COA3: variants seen among roughly 807,000 people sequenced by gnomAD.
COA3 encodes cytochrome c oxidase assembly factor 3 homolog, mitochondrial.
Under a neutral mutation model 10.1 loss-of-function variants are expected in COA3, and 10 were observed. That is an observed-to-expected ratio of 0.99 (90% CI 0.61 to 1.67). COA3 has a LOEUF of 1.67. Among genes scored for constraint, COA3 ranks in the 40% most tolerant of loss-of-function variants. COA3 has a pLI of 0.00. For missense variants in COA3, 142 were observed against 140.7 expected (o/e 1.01, Z -0.05); for synonymous variants, 57 against 63.1 (o/e 0.90, Z 0.46).
In COA3 at chr17:42,798,564, G is replaced by A; in HGVS notation, c.118C>T (p.Gln40Ter). 1 of 1,614,138 alleles carries A rather than the reference G, an allele frequency of 6.2e-7. No individual in the cohort carries two copies. Among genetic ancestry groups the A allele is most frequent in the Non-Finnish European group, 8.5e-7 (1 of 1,180,050 alleles). The change falls in exon 1 of 2, where the codon CAG (glutamine) becomes TAG (stop). Residue 40 changes from glutamine (Q) to a stop codon, truncating the protein, a stop_gained. Coordinates refer to ENST00000328434, the MANE Select transcript of COA3 (RefSeq NM_001040431.3). LOFTEE classifies it high-confidence loss of function. The part of the protein sequence containing the change: ...LTPEQLHSMR[Q>*]AELAQWQKVL... Reference sequence around the variant, plus strand: ...TTCTGCCACTGGGCAAGCTCCGCCTGCCGCATGGAATGCAGTTGCTCGGGT... The same window carrying A: ...TTCTGCCACTGGGCAAGCTCCGCCTACCGCATGGAATGCAGTTGCTCGGGT...
rs767908873 is a variant in COA3, at chr17:42,798,535, G to T, written c.147C>A (p.Val49=). ...RQAELAQWQK[V]LPRRRTRNIV... ...TGTTCCGGGTTCGCCGCCGTGGTAG[G>T]ACCTTCTGCCACTGGGCAAGCTCCG... is the stretch of plus-strand genomic sequence containing the variant. Residue 49 remains valine, a synonymous_variant, in exon 1 of 2, where the codon GTC becomes GTA. Transcript: ENST00000328434. 5.6e-6 allele frequency: 9 copies of T among 1,613,872 alleles called. No individual in the cohort carries two copies. The highest frequency in any genetic ancestry group is 7.6e-6 in the Non-Finnish European group (9 of 1,180,044).
rs527838022 is a variant in COA3, at chr17:42,798,511, G to A, written c.171C>T (p.Asn57=). ...CCCCGATGCCTAGGCCGGTCACGAT[G>A]TTCCGGGTTCGCCGCCGTGGTAGGA... ...QKVLPRRRTR[N]IVTGLGIGAL... Residue 57 remains asparagine (N), a synonymous_variant, in exon 1 of 2, where the codon AAC becomes AAT. Transcript: ENST00000328434. 3.7e-6 allele frequency: 6 copies of A among 1,613,956 alleles called. No homozygotes were observed. The African/African-American group carries it at 6.7e-5, about 18-fold the overall frequency.
chr17:42,798,252 A>C (rs2054708570), intron 1 of COA3, 85 bp from the exon 2 acceptor site: 5 of 1,078,700 alleles, frequency 4.6e-6, no homozygotes, highest in East Asian at 2.4e-5. Context: ...TACTCTCCCA[A>C]ATCAGTGATT....
chr17:42,798,100 A>G lies in COA3; in HGVS notation c.282T>C (p.Ala94=). Residue 94 remains alanine, a synonymous_variant, in exon 2 of 2, where the codon GCT becomes GCC. Transcript: ENST00000328434. ...CCCTTGCCAGAGCTCGGGCTCGGGC[A>G]GCTTTGGCCTCGTCTTCTAGCTCAT... ...FLDELEDEAK[A]ARARALARAS... The G allele has an allele frequency of 1.2e-6, 2 of 1,614,158 alleles. No individual in the cohort carries two copies. Among genetic ancestry groups the G allele is most frequent in the East Asian group, 2.2e-5 (1 of 44,882 alleles).
intron 1 of COA3, 106 bp from the exon 2 acceptor site, chr17:42,798,273 G>A (rs2054708859): frequency 5.1e-6 from 5 of 983,912 alleles, no homozygotes; most frequent in African/African-American, 1.6e-5. Flanking sequence ...CCGGCTTCCC[G>A]CCGCTGCTGT....
At position 42,798,081 on chromosome 17, in the gene COA3, C is replaced by G. The variant is rs367768181; in HGVS notation, c.301G>C (p.Ala101Pro). The G allele has an allele frequency of 7.1e-5, 114 of 1,613,964 alleles. No homozygotes were observed. The Middle Eastern group carries it at 8.2e-4, about 12-fold the overall frequency. The change falls in exon 2 of 2, where the codon GCA (alanine) becomes CCA (proline). Residue 101 changes from alanine to proline, a missense_variant. Ala to Pro is a conservative substitution (Grantham distance 27). Transcript: ENST00000328434. The stretch of plus-strand genomic sequence containing the variant: ...CCAGATTAGGACCCTGACGCCCTTG[C>G]CAGAGCTCGGGCTCGGGCAGCTTTG... Reference protein sequence around the residue: ...EAKAARARALARASGS With the variant: ...EAKAARARALPRASGS
At chr17:42,798,252 A>T in intron 1 of COA3, 85 bp from the exon 2 acceptor site, 2 of 1,078,818 alleles carry the variant, frequency 1.9e-6, no homozygotes. Flanking sequence ...TACTCTCCCA[A>T]ATCAGTGATT....
chr17:42,798,117 C>T lies in COA3; in HGVS notation c.265G>A (p.Glu89Lys), dbSNP rs61757405. ...GCTCGGGCAGCTTTGGCCTCGTCTT[C>T]TAGCTCATCTAGGAAACGCTCCTGG... ...ISQERFLDELEDEAKAARARA... is the reference protein window; with the variant it reads ...ISQERFLDELKDEAKAARARA... Residue 89 changes from glutamate (E) to lysine (K), a missense_variant, in exon 2 of 2, where the codon GAA (glutamate) becomes AAA (lysine). Physicochemically the swap from Glu to Lys is moderately conservative, Grantham distance 56. Coordinates refer to ENST00000328434, the MANE Select transcript of COA3 (RefSeq NM_001040431.3). The T allele has an allele frequency of 7.0e-4, 1,129 of 1,614,032 alleles. 1 individual carries two copies. Among genetic ancestry groups the T allele is most frequent in the Non-Finnish European group, 6.5e-4 (766 of 1,180,038 alleles).
rs1337268266 is a variant in COA3, at chr17:42,798,076, C to T, written c.306G>A (p.Arg102=). The change falls in exon 2 of 2, where the codon AGG becomes AGA. Residue 102 remains arginine, a synonymous_variant. Coordinates refer to ENST00000328434, the MANE Select transcript of COA3 (RefSeq NM_001040431.3). The stretch of plus-strand genomic sequence containing the variant: ...CCCATCCAGATTAGGACCCTGACGC[C>T]CTTGCCAGAGCTCGGGCTCGGGCAG... ...AKAARARALA[R]ASGS 1.2e-6 allele frequency: 2 copies of T among 1,613,918 alleles called. No individual in the cohort carries two copies. Among genetic ancestry groups the T allele is most frequent in the African/African-American group, 2.7e-5 (2 of 74,914 alleles).
chr17:42,797,967 T>C lies in COA3; in HGVS notation c.*94A>G. On this transcript the variant is annotated 3_prime_UTR_variant, in exon 2 of 2. Coordinates refer to ENST00000328434, the MANE Select transcript of COA3 (RefSeq NM_001040431.3). Reference sequence around the variant, plus strand: ...AAGGTTAGTAAGAAGGCCAACAATGTTGTGAGCAGGATTCAATTTCTACAG... The same window carrying C: ...AAGGTTAGTAAGAAGGCCAACAATGCTGTGAGCAGGATTCAATTTCTACAG... The C allele has an allele frequency of 2.4e-6, 2 of 829,382 alleles. No homozygotes were observed. Among genetic ancestry groups the C allele is most frequent in the Non-Finnish European group, 2.0e-6 (1 of 506,218 alleles). The allele number at this position is 829,382 out of a possible 1,614,324, so 51.4% of individuals were successfully genotyped here. A position where few individuals can be genotyped will look rare whatever the true frequency, so the allele number is the denominator to read the frequency against.
At chr17:42,798,282 G>T in intron 1 of COA3, 115 bp from the exon 2 acceptor site, 1 of 974,270 alleles carries the variant, frequency 1.0e-6, no homozygotes, top group Non-Finnish European at 1.6e-6. Context: ...CGCCGCTGCT[G>T]TTTCTAAACC....
Position 42,798,157 on chromosome 17 carries a change from G to A in COA3, c.225C>T (p.Thr75=), listed in dbSNP as rs755065692. The change falls in exon 2 of 2, where the codon ACC becomes ACT. Residue 75 remains threonine, a synonymous_variant. Coordinates refer to ENST00000328434, the MANE Select transcript of COA3 (RefSeq NM_001040431.3). Reference sequence around the variant, plus strand: ...AACGCTCCTGGGAAATCGAGTAGAAGGTGTAACCATCTGGGGAGGTAGGTT... The same window carrying A: ...AACGCTCCTGGGAAATCGAGTAGAAAGTGTAACCATCTGGGGAGGTAGGTT... ...GALVLAIYGY[T]FYSISQERFL... is the part of the protein sequence containing the mutation. 5 of 1,613,236 alleles carry A rather than the reference G, an allele frequency of 3.1e-6. No homozygotes were observed. The highest frequency in any genetic ancestry group is 2.2e-5 in the East Asian group (1 of 44,880).
Position 42,798,053 on chromosome 17 carries a change from C to T in COA3, c.*8G>A, listed in dbSNP as rs768080955. On this transcript the variant is annotated 3_prime_UTR_variant, in exon 2 of 2. Coordinates refer to ENST00000328434, the MANE Select transcript of COA3 (RefSeq NM_001040431.3). ...CAGCAGGTTGGACATGATCAATACC[C>T]ATCCAGATTAGGACCCTGACGCCCT... The T allele has an allele frequency of 1.7e-5, 28 of 1,606,506 alleles. No homozygotes were observed. Among genetic ancestry groups the T allele is most frequent in the Non-Finnish European group, 2.4e-5 (28 of 1,173,346 alleles).
chr17:42,798,463 G>A lies in COA3; in HGVS notation c.214+5C>T, dbSNP rs779628663. ...TCCCCTTGAGTCTACAACACGGACG[G>A]ATACAAATAGCCAACACCAGGGCCC... On this transcript the variant is annotated splice_donor_5th_base_variant and intron_variant, in intron 1 of 1. Transcript: ENST00000328434. 1.7e-5 allele frequency: 27 copies of A among 1,611,172 alleles called. No individual in the cohort carries two copies. In the South Asian group the frequency reaches 2.9e-4, roughly 17 times the overall value.
rs1388598650 is a variant in COA3, at chr17:42,798,086, G to A, written c.296C>T (p.Ala99Val). The A allele has an allele frequency of 6.2e-7, 1 of 1,614,100 alleles. No individual in the cohort carries two copies. Among genetic ancestry groups the A allele is most frequent in the African/African-American group, 1.3e-5 (1 of 75,022 alleles). ...EDEAKAARAR[A>V]LARASGS Reference sequence around the variant, plus strand: ...TTAGGACCCTGACGCCCTTGCCAGAGCTCGGGCTCGGGCAGCTTTGGCCTC... The same window carrying A: ...TTAGGACCCTGACGCCCTTGCCAGAACTCGGGCTCGGGCAGCTTTGGCCTC... The change falls in exon 2 of 2, where the codon GCT becomes GTT. Residue 99 changes from alanine (A) to valine (V), a missense_variant. Ala to Val is a moderately conservative substitution (Grantham distance 64, BLOSUM62 0). Coordinates refer to ENST00000328434, the MANE Select transcript of COA3 (RefSeq NM_001040431.3).
intron 1 of COA3, 73 bp from the exon 2 acceptor site, chr17:42,798,240 G>T: frequency 8.5e-7 from 1 of 1,170,892 alleles, no homozygotes; most frequent in Non-Finnish European, 1.3e-6. Flanking sequence ...TACCACTCTT[G>T]TTACTCTCCC....
Position 42,798,171 on chromosome 17 carries a change from G to A in COA3, c.215-4C>T, listed in dbSNP as rs760402019. 3.1e-6 allele frequency: 5 copies of A among 1,601,824 alleles called. No individual in the cohort carries two copies. The East Asian group carries it at 6.7e-5, about 21-fold the overall frequency. On this transcript the variant is annotated splice_region_variant and splice_polypyrimidine_tract_variant and intron_variant, in intron 1 of 1. Coordinates refer to ENST00000328434, the MANE Select transcript of COA3 (RefSeq NM_001040431.3). ...ATCGAGTAGAAGGTGTAACCATCTGGGGAGGTAGGTTCAGGAAACCACACA... is the reference window on the plus strand; with the variant it reads ...ATCGAGTAGAAGGTGTAACCATCTGAGGAGGTAGGTTCAGGAAACCACACA...
At position 42,798,169 on chromosome 17, in the gene COA3, TG is replaced by T. The variant is rs1346347548; in HGVS notation, c.215-3del. The T allele has an allele frequency of 6.2e-7, 1 of 1,608,156 alleles. No individual in the cohort carries two copies. The highest frequency in any genetic ancestry group is 2.2e-5 in the East Asian group (1 of 44,842). On this transcript the variant is annotated splice_region_variant and splice_polypyrimidine_tract_variant and intron_variant, in intron 1 of 1. Transcript: ENST00000328434. ...AAATCGAGTAGAAGGTGTAACCATCTGGGGAGGTAGGTTCAGGAAACCACAC... is the reference window on the plus strand; with the variant it reads ...AAATCGAGTAGAAGGTGTAACCATCTGGGAGGTAGGTTCAGGAAACCACAC...
rs778270032 is a variant in COA3, at chr17:42,798,209, TC to T, written c.215-43del. 7 of 1,368,608 alleles carry T rather than the reference TC, an allele frequency of 5.1e-6. No individual in the cohort carries two copies. In the Admixed American group the frequency reaches 1.2e-4, roughly 23 times the overall value. 84.8% of individuals were successfully genotyped at this position (1,368,608 alleles called of 1,614,324 possible). On this transcript the variant is annotated intron_variant, in intron 1 of 1. Coordinates refer to ENST00000328434, the MANE Select transcript of COA3 (RefSeq NM_001040431.3). ...AGGAAACCACACAGAATATGCACAT[TC>T]CCCTTTCCTAGATTTGCTCTACCAC...
Sources: gnomAD v4.1 joint callset for allele counts on GRCh38, gnomAD v4.1.1 for gene constraint, MANE v1.5 for transcripts, NCBI Gene and HGNC (gene_info 2026-07-23, HGNC 2026-07-21) for gene names.